The following ASIC2 variants were observed in gnomAD, a reference collection of about 807,000 sequenced individuals.
ASIC2 encodes acid-sensing ion channel 2.
ASIC2 carries 25 observed loss-of-function variants against 57.3 expected under a neutral mutation model. The observed-to-expected ratio is 0.44, with a 90% confidence interval of 0.32 to 0.61. The LOEUF (loss-of-function observed/expected upper bound fraction) is 0.61. ASIC2 is among the 20% of genes least tolerant of loss of function. The probability of loss-of-function intolerance (pLI) is 0.06; values close to 1 mark genes in which losing one functional copy is unlikely to be tolerated. For missense variants in ASIC2, 641 were observed against 738.1 expected, an observed-to-expected ratio of 0.87 and a Z score of 1.52; for synonymous variants, 319 against 307.5, an observed-to-expected ratio of 1.04 and a Z score of -0.39.
In ASIC2 at chr17:33,582,451, G is replaced by A. The variant is rs1904475346; in HGVS notation, c.556-470384C>T. Among the ~76,000 whole-genome samples, 3 of 152,170 alleles carry A rather than the reference G, an allele frequency of 2.0e-5. No homozygotes were observed. In the South Asian group the frequency reaches 6.2e-4, roughly 32 times the overall value. The stretch of plus-strand genomic sequence containing the variant: ...GGTGCTGAGAGGTTAGCGCTTAAGA[G>A]TCTGTTGTCTGGAGTCTGAGGTCTA... On this transcript the variant is annotated intron_variant, in intron 1 of 9. Transcript: ENST00000359872.
intron 1 of ASIC2, among the ~76,000 whole-genome samples, chr17:34,123,830 C>T (rs1911696558): frequency 6.6e-6 from 1 of 152,080 alleles, no homozygotes; most frequent in African/African-American, 2.4e-5. Context: ...ACCTGTAATC[C>T]CAGCAGTTTG....
rs73986721 is a variant in ASIC2, at chr17:33,799,051, A to T, written c.555+356927T>A. ...TTCTGGATTTCTGTCCAGAGGCCCC[A>T]GTGGGGTAGGAGTTCTGTCCTAAAT... On this transcript the variant is annotated intron_variant, in intron 1 of 9. Transcript: ENST00000359872. 7.7e-4 allele frequency among the ~76,000 whole-genome samples: 117 copies of T among 152,330 alleles called. 2 individuals are homozygous for T. The highest frequency in any genetic ancestry group is 2.7e-3 in the African/African-American group (114 of 41,582).
chr17:33,491,255 G>C (rs1567629080), intron 1 of ASIC2, among the ~76,000 whole-genome samples: 1 of 152,172 alleles, frequency 6.6e-6, no homozygotes, highest in East Asian at 1.9e-4. Context: ...CACACACACA[G>C]ACAATGGGGA....
At chr17:33,559,435 A>T (rs1916006267) in intron 1 of ASIC2, among the ~76,000 whole-genome samples, 1 of 152,078 alleles carries the variant, frequency 6.6e-6, no homozygotes, top group Non-Finnish European at 1.5e-5. Flanking sequence ...CAGCTAGAAT[A>T]TTGTCCCTAA....
Position 33,032,108 on chromosome 17 carries a change from T to C in ASIC2, c.988-3716A>G, listed in dbSNP as rs534326322. 5.9e-5 allele frequency among the ~76,000 whole-genome samples: 9 copies of C among 152,336 alleles called. No individual in the cohort carries two copies. In the South Asian group the frequency reaches 1.9e-3, roughly 32 times the overall value. On this transcript the variant is annotated intron_variant, in intron 3 of 9. Coordinates refer to ENST00000225823, the MANE Select transcript of ASIC2 (RefSeq NM_183377.2). ...GAAGGTTTGATCTATTTACACTTAATGCAATTTTTGATATAGTTCGGTTGA... is the reference window on the plus strand; with the variant it reads ...GAAGGTTTGATCTATTTACACTTAACGCAATTTTTGATATAGTTCGGTTGA...
chr17:33,810,921 A>G (rs148421982), intron 1 of ASIC2, among the ~76,000 whole-genome samples: 154 of 152,058 alleles, frequency 1.0e-3, no homozygotes, highest in Non-Finnish European at 1.7e-3. Flanking sequence ...ACACTCCAGT[A>G]TAACAACTAA....
chr17:33,835,652 A>T (rs1766438517), intron 1 of ASIC2, among the ~76,000 whole-genome samples: 1 of 152,174 alleles, frequency 6.6e-6, no homozygotes, highest in Non-Finnish European at 1.5e-5. Flanking sequence ...AGTCTATCTG[A>T]TTTCAAATTC....
intron 1 of ASIC2, among the ~76,000 whole-genome samples, chr17:33,351,081 GC>G (rs1156316509): frequency 7.2e-5 from 11 of 152,168 alleles, no homozygotes; most frequent in Admixed American, 7.2e-4. Flanking sequence ...GTGTCAGAAA[GC>G]CCTTGAGTTG....
intron 1 of ASIC2, among the ~76,000 whole-genome samples, chr17:33,128,326 C>T (rs529014553): frequency 9.2e-5 from 14 of 152,180 alleles, no homozygotes; most frequent in Admixed American, 2.0e-4. Flanking sequence ...CATACTTTTC[C>T]TTCAAGCCCC....
intron 1 of ASIC2, chr17:34,003,485 A>G (rs2142016568): frequency 6.6e-6 from 1 of 152,152 alleles, no homozygotes; most frequent in South Asian, 2.1e-4. Flanking sequence ...CATTTTCCAA[A>G]TTTCTCAAAA....
rs1271146953 is a variant in ASIC2, at chr17:34,156,060, T to C, written c.473A>G (p.His158Arg). Residue 158 changes from histidine to arginine, a missense_variant, in exon 1 of 10, where the codon CAC becomes CGC. By Grantham distance (29) the His-to-Arg change is conservative. Transcript: ENST00000359872. This position sits in a 1 kb window ranked among gnomAD's most constrained non-coding sequence, Gnocchi z 4.4. ...ATCCTTCAGGTCATGGCCCACACGG[T>C]GCAGGAACTCCAGCATGCTGAACTG... 1 of 1,613,912 alleles carries C rather than the reference T, an allele frequency of 6.2e-7. No homozygotes were observed. The highest frequency in any genetic ancestry group is 8.5e-7 in the Non-Finnish European group (1 of 1,180,036).
intron 1 of ASIC2, among the ~76,000 whole-genome samples, chr17:33,761,609 G>C (rs1276571524): frequency 1.3e-5 from 2 of 152,132 alleles, no homozygotes; most frequent in East Asian, 3.8e-4. Flanking sequence ...GCCAGTGGTG[G>C]CTCATGTGGT....
At chr17:33,561,316 A>G (rs1312767309) in intron 1 of ASIC2, among the ~76,000 whole-genome samples, 2 of 152,182 alleles carry the variant, frequency 1.3e-5, no homozygotes, top group East Asian at 1.9e-4. Flanking sequence ...TTGGCTTGAC[A>G]TGCTTGGGTT....
chr17:33,397,015 T>C (rs1910101263), intron 1 of ASIC2, among the ~76,000 whole-genome samples: 1 of 152,212 alleles, frequency 6.6e-6, no homozygotes, highest in Admixed American at 6.5e-5. Context: ...AGCACAAATG[T>C]CATCAAACAC....
chr17:33,531,996 G>T (rs1003324713), intron 1 of ASIC2, among the ~76,000 whole-genome samples: 6 of 152,316 alleles, frequency 3.9e-5, no homozygotes, highest in Non-Finnish European at 8.8e-5. Flanking sequence ...AGGGTTGAGC[G>T]ATCATACTGG....
chr17:33,377,691 C>A (rs1260961840), intron 1 of ASIC2, among the ~76,000 whole-genome samples: 1 of 152,244 alleles, frequency 6.6e-6, no homozygotes, highest in Non-Finnish European at 1.5e-5. Context: ...TCACACCATT[C>A]TTCTAGGCTC....
intron 1 of ASIC2, among the ~76,000 whole-genome samples, chr17:33,149,140 G>T (rs1904683174): frequency 6.6e-6 from 1 of 151,990 alleles, no homozygotes; most frequent in Non-Finnish European, 1.5e-5. Context: ...AAACAAACTT[G>T]ACATATATCT....
chr17:34,084,388 T>G (rs560365707), intron 1 of ASIC2, among the ~76,000 whole-genome samples: 1 of 152,388 alleles, frequency 6.6e-6, no homozygotes, highest in Admixed American at 6.5e-5. Context: ...GGCTCTGTTC[T>G]GTTCCATTGA....
intron 1 of ASIC2, among the ~76,000 whole-genome samples, chr17:33,299,502 G>A (rs141711429): frequency 1.3e-4 from 19 of 151,814 alleles, no homozygotes; most frequent in Non-Finnish European, 2.1e-4. Context: ...TTCCTTTCAT[G>A]TGCTTCAGCA....
Sources: gnomAD v4.1 joint callset for allele counts (sites outside exome capture counted in the v4.1 genomes callset) on GRCh38, gnomAD v4.1.1 for gene constraint, Gnocchi (gnomAD v3.1) non-coding constraint, MANE v1.5 for transcripts, NCBI Gene and HGNC (gene_info 2026-07-23, HGNC 2026-07-21) for gene names.